EPHA6: variants seen among roughly 807,000 people sequenced by gnomAD.
The protein encoded by EPHA6 is ephrin type-A receptor 6.
A neutral mutation model predicts 112.0 loss-of-function variants in EPHA6; 50 were observed. That is an observed-to-expected ratio of 0.45 (90% CI 0.36 to 0.56). The LOEUF is 0.56. Ranked by LOEUF, EPHA6 falls within the 20% of genes least tolerant of loss-of-function variation. The probability of loss-of-function intolerance (pLI) is 0.00; values close to 1 mark genes in which losing one functional copy is unlikely to be tolerated. For synonymous variants in EPHA6, 529 were observed against 490.7 expected, an observed-to-expected ratio of 1.08 and a Z score of -1.03; for missense variants, 1,280 against 1,417.4, an observed-to-expected ratio of 0.90 and a Z score of 1.56.
chr3:97,285,866 A>G (rs1213151692), intron 5 of EPHA6, among the ~76,000 whole-genome samples: 1 of 152,062 alleles, frequency 6.6e-6, no homozygotes, highest in South Asian at 2.1e-4. Context: ...AGTGTATGAC[A>G]GTTTCCTTTT....
intron 2 of EPHA6, among the ~76,000 whole-genome samples, chr3:96,926,774 G>A (rs1182919344): frequency 6.6e-6 from 1 of 152,166 alleles, no homozygotes; most frequent in Non-Finnish European, 1.5e-5. Flanking sequence ...CCATGGCCTT[G>A]GCTTTGCAGG....
intron 14 of EPHA6, among the ~76,000 whole-genome samples, chr3:97,704,673 A>G (rs1002791577): frequency 1.3e-5 from 2 of 152,166 alleles, no homozygotes; most frequent in Non-Finnish European, 2.9e-5. Context: ...TGGTGCTTCT[A>G]TAGTATGTGA....
chr3:97,431,201 T>C (rs868010918), intron 6 of EPHA6, among the ~76,000 whole-genome samples: 11 of 152,140 alleles, frequency 7.2e-5, no homozygotes, highest in African/African-American at 2.4e-4. Context: ...GAAATAGGTT[T>C]ATTTTCACAT....
chr3:97,364,603 T>G (rs1196328454), intron 5 of EPHA6, among the ~76,000 whole-genome samples: 1 of 152,052 alleles, frequency 6.6e-6, no homozygotes, highest in Non-Finnish European at 1.5e-5. Flanking sequence ...CATAATTTAT[T>G]TCTATGCAAC....
chr3:97,062,399 G>T (rs1267666231), intron 3 of EPHA6, among the ~76,000 whole-genome samples: 1 of 152,130 alleles, frequency 6.6e-6, no homozygotes, highest in African/African-American at 2.4e-5. Flanking sequence ...GGGTTCCCGA[G>T]ATAGAATGGG....
At chr3:97,412,579 CA>C (rs746123123) in intron 6 of EPHA6, among the ~76,000 whole-genome samples, 101 of 151,822 alleles carry the variant, frequency 6.7e-4, no homozygotes, top group Non-Finnish European at 1.2e-3. Flanking sequence ...TAGAAAAAAT[CA>C]AATAAGACTA....
At chr3:96,924,366 C>T (rs1490468059) in intron 2 of EPHA6, among the ~76,000 whole-genome samples, 1 of 152,040 alleles carries the variant, frequency 6.6e-6, no homozygotes, top group Non-Finnish European at 1.5e-5. Flanking sequence ...CCTTCACTTC[C>T]CTTATTAGCT....
chr3:97,022,335 C>T (rs1268528858), intron 3 of EPHA6, among the ~76,000 whole-genome samples: 1 of 152,090 alleles, frequency 6.6e-6, no homozygotes, highest in Non-Finnish European at 1.5e-5. Flanking sequence ...CCCTTTTTCT[C>T]TCTAGGTAGC....
intron 3 of EPHA6, among the ~76,000 whole-genome samples, chr3:97,022,319 C>T (rs2044489818): frequency 6.6e-6 from 1 of 152,100 alleles, no homozygotes; most frequent in African/African-American, 2.4e-5. Context: ...TAAAATGAAA[C>T]TTCTCCCCTT....
chr3:97,387,332 T>G (rs960933094), intron 5 of EPHA6, among the ~76,000 whole-genome samples: 8 of 151,430 alleles, frequency 5.3e-5, no homozygotes, highest in Non-Finnish European at 1.2e-4. Context: ...TTTTTTTTTT[T>G]GCTTATGCAA....
intron 11 of EPHA6, among the ~76,000 whole-genome samples, chr3:97,577,116 C>A (rs1369911294): frequency 6.6e-6 from 1 of 152,262 alleles, no homozygotes; most frequent in East Asian, 1.9e-4. Context: ...CTCAAGCAAT[C>A]CTCCTGCCTC....
chr3:97,519,286 G>A (rs1458075377), intron 10 of EPHA6, among the ~76,000 whole-genome samples: 1 of 152,120 alleles, frequency 6.6e-6, no homozygotes, highest in Non-Finnish European at 1.5e-5. Flanking sequence ...TGGCACATCT[G>A]TCAAAACTCC....
At chr3:97,228,004 T>C (rs1266403091) in intron 4 of EPHA6, among the ~76,000 whole-genome samples, 2 of 152,112 alleles carry the variant, frequency 1.3e-5, no homozygotes, top group Admixed American at 1.3e-4. Flanking sequence ...TGGCTTCTCT[T>C]TAACCCTTGA....
chr3:97,545,040 G>A (rs1401660824), intron 11 of EPHA6, among the ~76,000 whole-genome samples: 1 of 152,104 alleles, frequency 6.6e-6, no homozygotes, highest in Non-Finnish European at 1.5e-5. Context: ...ATTTTTTGAA[G>A]GGTTTTTTTG....
intron 3 of EPHA6, among the ~76,000 whole-genome samples, chr3:97,035,173 A>T (rs927087299): frequency 6.6e-6 from 1 of 151,946 alleles, no homozygotes; most frequent in Non-Finnish European, 1.5e-5. Flanking sequence ...ATTATAGGTC[A>T]AAACCACCCA....
chr3:96,984,358 C>A (rs1285689101), intron 2 of EPHA6, among the ~76,000 whole-genome samples: 1 of 152,154 alleles, frequency 6.6e-6, no homozygotes. Flanking sequence ...GTGGAGGCTG[C>A]AGAACACCGA....
chr3:97,520,314 C>T (rs932609983), intron 10 of EPHA6, among the ~76,000 whole-genome samples: 5 of 152,066 alleles, frequency 3.3e-5, no homozygotes, highest in African/African-American at 1.2e-4. Flanking sequence ...GGGTTTTATA[C>T]GTTCATGTGT....
chr3:97,386,206 A>G (rs183953888), intron 5 of EPHA6, among the ~76,000 whole-genome samples: 256 of 152,284 alleles, frequency 1.7e-3, no homozygotes, highest in African/African-American at 5.9e-3. Flanking sequence ...TACTTTCCAG[A>G]ACTGTGAGCT....
chr3:97,471,840 A>C (rs1426494240), intron 7 of EPHA6, among the ~76,000 whole-genome samples: 1 of 151,748 alleles, frequency 6.6e-6, no homozygotes, highest in African/African-American at 2.4e-5. Context: ...AGGACTGTTG[A>C]AACAAATTGT....
Sources: allele counts gnomAD v4.1 joint callset (sites outside exome capture counted in the v4.1 genomes callset), GRCh38; gene constraint gnomAD v4.1.1; transcripts MANE v1.5; gene names NCBI Gene and HGNC (gene_info 2026-07-23, HGNC 2026-07-21).